Variants in ATP5PF observed in about 807,000 individuals in gnomAD.
ATP5PF encodes the protein ATP synthase peripheral stalk subunit F6, mitochondrial.
In ATP5PF, 7 loss-of-function variants were observed where a neutral mutation model predicts 12.0. The ratio of observed to expected loss-of-function variants is 0.58; its 90% CI spans 0.33 to 1.10. The LOEUF is 1.10. Ranked by LOEUF, ATP5PF falls within the 50% of genes least tolerant of loss-of-function variation. The pLI, the probability that ATP5PF is intolerant of heterozygous loss-of-function variation, is 0.03. For missense variants in ATP5PF, 120 were observed against 127.7 expected (o/e 0.94, Z 0.29); for synonymous variants, 41 against 45.4 (o/e 0.90, Z 0.39).
At chr21:25,725,110 T>C (rs1040210519) in intron 3 of ATP5PF, 116 bp downstream of exon 3, 13 of 1,379,370 alleles carry the variant, frequency 9.4e-6, no homozygotes, top group African/African-American at 7.3e-5. Context: ...GCACACGTCA[T>C]GGTCCTAATA....
chr21:25,735,221 G>C, upstream of ATP5PF: 2 of 587,494 alleles, frequency 3.4e-6, no homozygotes, highest in Non-Finnish European at 3.1e-6. Flanking sequence ...CCGAGTCAGC[G>C]TCCTGTTCGT....
rs75432568 is a variant in ATP5PF at position 25,727,618 on chromosome 21, A to G, written c.164+2013T>C. 4.1e-3 allele frequency among the ~76,000 whole-genome samples: 620 copies of G among 152,308 alleles called. 6 individuals carry two copies. Among genetic ancestry groups the G allele is most frequent in the African/African-American group, 0.014 (600 of 41,558 alleles). On this transcript the variant is annotated intron_variant, in intron 2 of 3. Transcript: ENST00000284971. Reference sequence around the variant, plus strand: ...GAACTCTCCATGTGTTTGTTTGCACAAACGAATGAATGACCCACAAACAAG... The same window carrying G: ...GAACTCTCCATGTGTTTGTTTGCACGAACGAATGAATGACCCACAAACAAG...
chr21:25,733,034 T>C (rs1234010910), intron 1 of ATP5PF, among the ~76,000 whole-genome samples: 2 of 105,306 alleles, frequency 1.9e-5, no homozygotes, highest in Non-Finnish European at 4.0e-5. Flanking sequence ...ATCAATGCAA[T>C]CAACAAAATA....
chr21:25,724,691 G>GA lies in ATP5PF; in HGVS notation c.290-15dup. 2 of 1,589,522 alleles carry GA rather than the reference G, an allele frequency of 1.3e-6. No homozygotes were observed. The highest frequency in any genetic ancestry group is 1.2e-5 in the South Asian group (1 of 86,394). ...CAAATTTGGGATCTAAGAAGAGGGGGAAAAAAGGGTCAAGCTTAGCCAAAT... is the reference window on the plus strand; with the variant it reads ...CAAATTTGGGATCTAAGAAGAGGGGGAAAAAAAGGGTCAAGCTTAGCCAAAT... On this transcript the variant is annotated splice_polypyrimidine_tract_variant and intron_variant, in intron 3 of 3. Transcript: ENST00000284971.
intron 2 of ATP5PF, 87 bp from the exon 3 acceptor site, chr21:25,725,437 T>TC (rs2034592847): frequency 3.1e-6 from 4 of 1,279,166 alleles, no homozygotes; most frequent in Non-Finnish European, 4.1e-6. Context: ...TTCCAACAGA[T>TC]CTTTTTTTTT....
intron 1 of ATP5PF, among the ~76,000 whole-genome samples, chr21:25,734,087 A>G (rs1206292048): frequency 6.6e-6 from 1 of 151,954 alleles, no homozygotes; most frequent in Middle Eastern, 3.2e-3. Context: ...AATCCCTTTC[A>G]TTTTTTTTCA....
chr21:25,724,619 G>A lies in ATP5PF; in HGVS notation c.*21C>T, dbSNP rs540364911. ...ACAACTAATCCGTGACAAATTACCA[G>A]ATTAATTTTACTTTATTTCTTCAGG... On this transcript the variant is annotated 3_prime_UTR_variant, in exon 4 of 4. Coordinates refer to ENST00000284971, the MANE Select transcript of ATP5PF (RefSeq NM_001003703.2). The A allele has an allele frequency of 1.0e-5, 16 of 1,602,218 alleles. No individual in the cohort carries two copies. The African/African-American group carries it at 1.8e-4, about 18-fold the overall frequency.
At position 25,734,855 on chromosome 21, in the gene ATP5PF, T is replaced by C; in HGVS notation, c.-10A>G. On this transcript the variant is annotated splice_region_variant and 5_prime_UTR_variant, in exon 1 of 4. Coordinates refer to ENST00000284971, the MANE Select transcript of ATP5PF (RefSeq NM_001003703.2). ...GATCTAGCTACCCTCCCAGTCACCT[T>C]GCACTCAGTCCCGAGCTGCCAAAGC... is the stretch of plus-strand genomic sequence containing the variant. The C allele has an allele frequency of 6.5e-7, 1 of 1,541,030 alleles. No homozygotes were observed. The highest frequency in any genetic ancestry group is 8.7e-7 in the Non-Finnish European group (1 of 1,147,030).
intron 1 of ATP5PF, 96 bp from the exon 2 acceptor site, chr21:25,729,897 A>C (rs758311919): frequency 1.7e-5 from 22 of 1,331,964 alleles, no homozygotes; most frequent in Non-Finnish European, 2.3e-5. Context: ...TTGCTACAGA[A>C]TTACATCATA....
intron 3 of ATP5PF, chr21:25,724,932 G>A (rs1202478390): frequency 1.7e-6 from 1 of 582,644 alleles, no homozygotes; most frequent in Non-Finnish European, 2.9e-6. Flanking sequence ...AATGTCAGAT[G>A]AGGAGACATG....
In ATP5PF at chr21:25,724,700, G is replaced by A. The variant is rs73335993; in HGVS notation, c.290-23C>T. Reference sequence around the variant, plus strand: ...GATCTAAGAAGAGGGGGAAAAAAGGGTCAAGCTTAGCCAAATTGCAATAAA... The same window carrying A: ...GATCTAAGAAGAGGGGGAAAAAAGGATCAAGCTTAGCCAAATTGCAATAAA... On this transcript the variant is annotated intron_variant, in intron 3 of 3. Transcript: ENST00000284971. The A allele has an allele frequency of 8.7e-3, 13,766 of 1,591,002 alleles. 854 individuals are homozygous for A. The African/African-American group carries it at 0.15, about 17-fold the overall frequency.
intron 1 of ATP5PF, among the ~76,000 whole-genome samples, chr21:25,730,334 C>T (rs952983150): frequency 1.3e-5 from 2 of 152,160 alleles, no homozygotes; most frequent in African/African-American, 4.8e-5. Flanking sequence ...CAAAGAAAAA[C>T]AGCAGCCAGT....
rs2034961892 is a variant in ATP5PF at position 25,734,874 on chromosome 21, C to T, written c.-29G>A. ...TCACCTTGCACTCAGTCCCGAGCTG[C>T]CAAAGCCTCCGCCGCCACCACCTCC... On this transcript the variant is annotated 5_prime_UTR_variant, in exon 1 of 4. Coordinates refer to ENST00000284971, the MANE Select transcript of ATP5PF (RefSeq NM_001003703.2). 1.9e-6 allele frequency: 3 copies of T among 1,546,648 alleles called. No individual in the cohort carries two copies. The highest frequency in any genetic ancestry group is 2.6e-6 in the Non-Finnish European group (3 of 1,149,128).
intron 1 of ATP5PF, 116 bp from the exon 2 acceptor site, chr21:25,729,917 A>C: frequency 1.0e-5 from 12 of 1,182,398 alleles, no homozygotes; most frequent in East Asian, 2.6e-5. Flanking sequence ...ATCAGATCTC[A>C]GTCTATACCT....
chr21:25,725,760 C>T (rs923195019), intron 2 of ATP5PF, among the ~76,000 whole-genome samples: 1 of 152,192 alleles, frequency 6.6e-6, no homozygotes, highest in Non-Finnish European at 1.5e-5. Context: ...TTAAAGCATT[C>T]ATGTAGTCAA....
chr21:25,725,297 C>G lies in ATP5PF; in HGVS notation c.218G>C (p.Arg73Thr). The change falls in exon 3 of 4, where the codon AGG becomes ACG. Residue 73 changes from arginine to threonine, a missense_variant. Transcript: ENST00000284971. Reference sequence around the variant, plus strand: ...CATTTGCTTGAGCTTAAAAAGCTCCCTCTCCAGCTCTTGCTGATACTCTGA... The same window carrying G: ...CATTTGCTTGAGCTTAAAAAGCTCCGTCTCCAGCTCTTGCTGATACTCTGA... ...ASSEYQQELE[R>T]ELFKLKQMFG... is the part of the protein sequence containing the mutation. 1 of 1,613,152 alleles carries G rather than the reference C, an allele frequency of 6.2e-7. No individual in the cohort carries two copies. Among genetic ancestry groups the G allele is most frequent in the Non-Finnish European group, 8.5e-7 (1 of 1,179,948 alleles).
rs373517431 is a variant in ATP5PF at position 25,724,620 on chromosome 21, A to G, written c.*20T>C. 2.1e-5 allele frequency: 33 copies of G among 1,603,160 alleles called. No individual in the cohort carries two copies. The highest frequency in any genetic ancestry group is 2.7e-5 in the Non-Finnish European group (32 of 1,176,666). On this transcript the variant is annotated 3_prime_UTR_variant, in exon 4 of 4. Coordinates refer to ENST00000284971, the MANE Select transcript of ATP5PF (RefSeq NM_001003703.2). ...CAACTAATCCGTGACAAATTACCAG[A>G]TTAATTTTACTTTATTTCTTCAGGC...
At chr21:25,731,202 A>G (rs1430851258) in intron 1 of ATP5PF, among the ~76,000 whole-genome samples, 1 of 152,340 alleles carries the variant, frequency 6.6e-6, no homozygotes, top group Non-Finnish European at 1.5e-5. Flanking sequence ...AGATCACACC[A>G]CTGCACTCCA....
chr21:25,732,985 CAAAAAAAAAAAA>C (rs370858284), intron 1 of ATP5PF, among the ~76,000 whole-genome samples: 7 of 47,804 alleles, frequency 1.5e-4, no homozygotes, highest in African/African-American at 5.8e-4. Context: ...AACTCTGTCT[CAAAAAAAAAAAA>C]AAAAAAAAAA....
Sources: gnomAD v4.1 joint callset for allele counts (sites outside exome capture counted in the v4.1 genomes callset) on GRCh38, gnomAD v4.1.1 for gene constraint, MANE v1.5 for transcripts, NCBI Gene and HGNC (gene_info 2026-07-23, HGNC 2026-07-21) for gene names.